The following ARID1B variants were observed in gnomAD, a reference collection of about 807,000 sequenced individuals.
ARID1B encodes AT-rich interactive domain-containing protein 1B.
A neutral mutation model predicts 212.3 loss-of-function variants in ARID1B; 30 were observed. The ratio of observed to expected loss-of-function variants is 0.14; its 90% CI spans 0.11 to 0.19. ARID1B has a LOEUF of 0.19. Among genes scored for constraint, ARID1B ranks in the 10% least tolerant of loss-of-function variants. The pLI is 1.00. For missense variants in ARID1B, 2,891 were observed against 3,204.0 expected (o/e 0.90, Z 2.36); for synonymous variants, 1,402 against 1,301.7 (o/e 1.08, Z -1.66).
intron 2 of ARID1B, among the ~76,000 whole-genome samples, chr6:156,833,952 C>T (rs1340888294): frequency 6.6e-6 from 1 of 152,162 alleles, no homozygotes. Context: ...AGGAGACAAA[C>T]ATTACAATTG....
intron 1 of ARID1B, among the ~76,000 whole-genome samples, chr6:156,810,335 A>T (rs1309697492): frequency 1.3e-5 from 2 of 152,332 alleles, no homozygotes; most frequent in Non-Finnish European, 2.9e-5. Flanking sequence ...AAATGGTAAC[A>T]GCTGCCATTT....
At chr6:157,011,227 G>A (rs998217616) in intron 4 of ARID1B, among the ~76,000 whole-genome samples, 1 of 152,030 alleles carries the variant, frequency 6.6e-6, no homozygotes, top group African/African-American at 2.4e-5. Flanking sequence ...ATATATTATC[G>A]ACATTTAAAG....
intron 4 of ARID1B, among the ~76,000 whole-genome samples, chr6:157,043,494 C>T (rs1163778516): frequency 1.3e-5 from 2 of 152,142 alleles, no homozygotes; most frequent in African/African-American, 4.8e-5. Context: ...AATTCTATTA[C>T]GTGGCATTTT....
chr6:156,835,053 A>G (rs1392783277), intron 2 of ARID1B, among the ~76,000 whole-genome samples: 2 of 152,046 alleles, frequency 1.3e-5, no homozygotes, highest in Non-Finnish European at 2.9e-5. Flanking sequence ...CCTGACTAAC[A>G]CAGTGAAACC....
intron 17 of ARID1B, 100 bp downstream of exon 17, chr6:157,199,007 C>G: frequency 2.0e-6 from 2 of 986,784 alleles, no homozygotes; most frequent in East Asian, 5.3e-5. Context: ...AGACATCTAA[C>G]AAAAATGATT....
chr6:156,790,009 A>G (rs1486683842), intron 1 of ARID1B, among the ~76,000 whole-genome samples: 2 of 152,220 alleles, frequency 1.3e-5, no homozygotes, highest in African/African-American at 2.4e-5. Flanking sequence ...TTAGCAGCCT[A>G]TCGGTCTTTC....
In ARID1B at chr6:156,935,550, C is replaced by G. The variant is rs770455355; in HGVS notation, c.2221C>G (p.Gln741Glu). The G allele has an allele frequency of 6.2e-7, 1 of 1,612,900 alleles. No individual in the cohort carries two copies. The highest frequency in any genetic ancestry group is 8.5e-7 in the Non-Finnish European group (1 of 1,178,950). ...TAACCATGAAGACTTGAACTTAATA[C>G]AGCAAGAAAGACCATCAAGTTTACC... ...KPNHEDLNLIQQERPSSLPDL... is the reference protein window; with the variant it reads ...KPNHEDLNLIEQERPSSLPDL... The change falls in exon 4 of 20, where the codon CAG becomes GAG. Residue 741 changes from glutamine to glutamate, a missense_variant. Physicochemically the swap from Gln to Glu is conservative, Grantham distance 29 (BLOSUM62 2). Transcript: ENST00000636930.
At chr6:156,923,277 A>G (rs1348160833) in intron 3 of ARID1B, among the ~76,000 whole-genome samples, 1 of 152,234 alleles carries the variant, frequency 6.6e-6, no homozygotes, top group Non-Finnish European at 1.5e-5. Flanking sequence ...TAATGAAAAT[A>G]TAACACTGTA....
At chr6:157,074,368 A>G (rs1285780461) in intron 4 of ARID1B, among the ~76,000 whole-genome samples, 1 of 152,126 alleles carries the variant, frequency 6.6e-6, no homozygotes, top group Admixed American at 6.5e-5. Flanking sequence ...CTGGGATTAC[A>G]GGTGTGCCTC....
At chr6:156,928,092 C>T (rs284427) in intron 3 of ARID1B, among the ~76,000 whole-genome samples, 6,676 of 152,230 alleles carry the variant, frequency 0.044, 213 homozygotes, top group Middle Eastern at 0.11. Context: ...CCATGGGACC[C>T]GAGCAGCTGA....
At chr6:156,960,636 C>T (rs1402176102) in intron 4 of ARID1B, among the ~76,000 whole-genome samples, 1 of 152,100 alleles carries the variant, frequency 6.6e-6, no homozygotes, top group South Asian at 2.1e-4. Context: ...ATTCAAGCAA[C>T]AATTTCACTA....
chr6:157,054,223 C>CAAAAAA (rs71645383), intron 4 of ARID1B, among the ~76,000 whole-genome samples: 5 of 144,774 alleles, frequency 3.5e-5, no homozygotes, highest in South Asian at 2.2e-4. Context: ...GACTCTGTCT[C>CAAAAAA]AAAAAAAAGA....
chr6:157,037,593 T>A (rs1781412759), intron 4 of ARID1B, among the ~76,000 whole-genome samples: 1 of 152,184 alleles, frequency 6.6e-6, no homozygotes, highest in African/African-American at 2.4e-5. Context: ...GTAGTTAAGT[T>A]TCTGTCTGTG....
Position 157,200,845 on chromosome 6 carries a change from G to A in ARID1B, c.4620G>A (p.Arg1540=), listed in dbSNP as rs770732982. Residue 1540 remains arginine, a synonymous_variant, in exon 18 of 20, where the codon AGG becomes AGA. Coordinates refer to ENST00000636930, the MANE Select transcript of ARID1B (RefSeq NM_001374828.1). The surrounding 1 kb of genome is among the most constrained non-coding windows in gnomAD (Gnocchi z 4.3). Reference sequence around the variant, plus strand: ...GCTCCTACTCGGGCCCGGACCGCAGGCCCATCCAGGGCCAGTACCCGTATC... The same window carrying A: ...GCTCCTACTCGGGCCCGGACCGCAGACCCATCCAGGGCCAGTACCCGTATC... ...YGGSYSGPDR[R]PIQGQYPYPY... 1 of 1,614,056 alleles carries A rather than the reference G, an allele frequency of 6.2e-7. No homozygotes were observed. The highest frequency in any genetic ancestry group is 1.7e-5 in the Admixed American group (1 of 60,028).
chr6:157,009,488 A>T (rs894063241), intron 4 of ARID1B, among the ~76,000 whole-genome samples: 2 of 152,164 alleles, frequency 1.3e-5, no homozygotes, highest in African/African-American at 2.4e-5. Flanking sequence ...AGTTGAAAGG[A>T]GTTGATTAGA....
At position 156,891,874 on chromosome 6, in the gene ARID1B, G is replaced by GTT. The variant is rs555568271; in HGVS notation, c.1987-9488_1987-9487dup. On this transcript the variant is annotated intron_variant, in intron 2 of 19. Coordinates refer to ENST00000636930, the MANE Select transcript of ARID1B (RefSeq NM_001374828.1). Reference sequence around the variant, plus strand: ...TTCATACCTTTTCTTTTTCTTTTCTGTTTTTTTTTTTTTTTGAGACGGAGT... The same window carrying GTT: ...TTCATACCTTTTCTTTTTCTTTTCTGTTTTTTTTTTTTTTTTTGAGACGGAGT... Among the ~76,000 whole-genome samples the GTT allele has an allele frequency of 6.0e-3, 789 of 132,566 alleles. 14 individuals are homozygous for GTT. The highest frequency in any genetic ancestry group is 0.02 in the African/African-American group (721 of 35,488). The allele number at this position is 132,566 out of a possible 152,430, so 87.0% of individuals were successfully genotyped here. A position where few individuals can be genotyped will look rare whatever the true frequency, so the allele number is the denominator to read the frequency against.
At chr6:157,126,125 C>A (rs779086556) in intron 6 of ARID1B, among the ~76,000 whole-genome samples, 1 of 152,130 alleles carries the variant, frequency 6.6e-6, no homozygotes, top group Admixed American at 6.5e-5. Flanking sequence ...TAGAACCCCG[C>A]GCAGTGACTA....
At chr6:157,163,451 A>G (rs903912046) in intron 8 of ARID1B, among the ~76,000 whole-genome samples, 15 of 152,228 alleles carry the variant, frequency 9.9e-5, no homozygotes, top group Non-Finnish European at 2.1e-4. Context: ...TTTTGGTATC[A>G]GGCCCATGTT....
At chr6:157,044,227 G>A (rs1043229003) in intron 4 of ARID1B, among the ~76,000 whole-genome samples, 7 of 152,052 alleles carry the variant, frequency 4.6e-5, no homozygotes, top group Non-Finnish European at 8.8e-5. Context: ...TTAGTCACCC[G>A]TAAATATAAT....
Sources: gnomAD v4.1 joint callset for allele counts (sites outside exome capture counted in the v4.1 genomes callset) on GRCh38, gnomAD v4.1.1 for gene constraint, Gnocchi (gnomAD v3.1) non-coding constraint, MANE v1.5 for transcripts, NCBI Gene and HGNC (gene_info 2026-07-23, HGNC 2026-07-21) for gene names.